Variants in RLIG1 observed in about 807,000 individuals in gnomAD.
The protein encoded by RLIG1 is RNA 5'-phosphate and 3'-OH ligase 1, also known as RNA ligase 1.
At chr12:88,048,314 C>G in the RLIG1 span, 3 of 1,605,798 alleles carry the variant, frequency 1.9e-6, no homozygotes, top group Non-Finnish European at 2.6e-6. Context: ...TCAACATGAA[C>G]CTGAACAAAT....
chr12:88,036,774 T>A, the RLIG1 span, among the ~76,000 whole-genome samples: 1 of 152,234 alleles, frequency 6.6e-6, no homozygotes. Context: ...AGACTGATCA[T>A]CACCATGTTC....
At chr12:88,050,136 A>G in the RLIG1 span, 1 of 375,082 alleles carries the variant, frequency 2.7e-6, no homozygotes, top group Non-Finnish European at 4.7e-6. Context: ...TTACAATTAA[A>G]AAATAAATTT....
At chr12:88,045,299 A>T in the RLIG1 span, 1 of 276,698 alleles carries the variant, frequency 3.6e-6, no homozygotes, top group African/African-American at 2.2e-5. Context: ...TGTGTCTTAG[A>T]ATAATGTTCA....
At chr12:88,045,834 C>A in the RLIG1 span, 1 of 1,415,248 alleles carries the variant, frequency 7.1e-7, no homozygotes, top group African/African-American at 1.4e-5. Context: ...ATAAAGAGAA[C>A]TTTCTAGGTC....
chr12:88,039,415 T>C, the RLIG1 span, among the ~76,000 whole-genome samples: 213 of 152,282 alleles, frequency 1.4e-3, no homozygotes, highest in African/African-American at 4.9e-3. Context: ...AAAATTACAA[T>C]TGAAAGATAC....
At chr12:88,043,576 A>G in the RLIG1 span, 4 of 1,501,532 alleles carry the variant, frequency 2.7e-6, no homozygotes, top group Non-Finnish European at 3.6e-6. Flanking sequence ...CACATACAAT[A>G]TTATCTTTTT....
At chr12:88,049,430 T>C in the RLIG1 span, 8 of 1,242,650 alleles carry the variant, frequency 6.4e-6, no homozygotes, top group Admixed American at 5.0e-5. Flanking sequence ...GGAAACATTA[T>C]CTTTAAAAGT....
chr12:88,048,375 G>GAT, the RLIG1 span: 1 of 1,580,766 alleles, frequency 6.3e-7, no homozygotes, highest in East Asian at 2.3e-5. Context: ...TTTAAAAATA[G>GAT]ATAATCAGAA....
chr12:88,046,564 T>C, the RLIG1 span, among the ~76,000 whole-genome samples: 1 of 150,356 alleles, frequency 6.7e-6, no homozygotes, highest in Non-Finnish European at 1.5e-5. Flanking sequence ...AAAAAAAGTA[T>C]CTGTCCAGAC....
the RLIG1 span, chr12:88,047,036 A>C: frequency 7.0e-7 from 1 of 1,420,202 alleles, no homozygotes; most frequent in Non-Finnish European, 9.4e-7. Context: ...AATAGAGTAG[A>C]AGTGACACTA....
At chr12:88,048,474 A>C in the RLIG1 span, 1 of 895,176 alleles carries the variant, frequency 1.1e-6, no homozygotes, top group East Asian at 3.1e-5. Context: ...ATATTCTACC[A>C]TATTTAAAAA....
At chr12:88,048,548 AT>A in the RLIG1 span, 1 of 648,080 alleles carries the variant, frequency 1.5e-6, no homozygotes, top group African/African-American at 1.9e-5. Context: ...GAAGAAATGA[AT>A]TTTCCAGTTT....
chr12:88,035,942 G>A, the RLIG1 span: 1 of 1,523,462 alleles, frequency 6.6e-7, no homozygotes, highest in Non-Finnish European at 8.8e-7. Context: ...TAGTTGTGAG[G>A]GAGGGAATTT....
chr12:88,042,753 C>A, the RLIG1 span: 1 of 978,168 alleles, frequency 1.0e-6, no homozygotes, highest in Non-Finnish European at 1.4e-6. Flanking sequence ...TGTTGACAAA[C>A]TGTATTCTGA....
chr12:88,045,430 TG>T, the RLIG1 span: 1 of 625,566 alleles, frequency 1.6e-6, no homozygotes, highest in Non-Finnish European at 2.8e-6. Flanking sequence ...AGTAATAAAC[TG>T]TTAACTTTCC....
chr12:88,041,751 G>C, the RLIG1 span: 2 of 152,164 alleles, frequency 1.3e-5, no homozygotes, highest in African/African-American at 4.8e-5. Flanking sequence ...TTATTTATCT[G>C]GATAGCTAAT....
chr12:88,036,133 T>C, the RLIG1 span: 1 of 1,271,550 alleles, frequency 7.9e-7, no homozygotes, highest in African/African-American at 1.5e-5. Context: ...AGGGTGGATA[T>C]TAGAAGACTT....
At chr12:88,045,477 C>A in the RLIG1 span, 1 of 777,596 alleles carries the variant, frequency 1.3e-6, no homozygotes, top group African/African-American at 1.8e-5. Context: ...TTGCGATAGA[C>A]ACCCAGAAAA....
the RLIG1 span, chr12:88,048,176 C>A: frequency 7.6e-7 from 1 of 1,319,084 alleles, no homozygotes; most frequent in Non-Finnish European, 1.0e-6. Context: ...TCAAATATTT[C>A]TAAGTGAATG....
Sources: gnomAD v4.1 joint callset for allele counts (sites outside exome capture counted in the v4.1 genomes callset) on GRCh38, gnomAD v4.1.1 for gene constraint, MANE v1.5 for transcripts, NCBI Gene and HGNC (gene_info 2026-07-23, HGNC 2026-07-21) for gene names.